PDE1C: variants seen among roughly 807,000 people sequenced by gnomAD.
The protein encoded by PDE1C is phosphodiesterase 1C, also known as dual specificity calcium/calmodulin-dependent 3',5'-cyclic nucleotide phosphodiesterase 1C.
In PDE1C, 62 loss-of-function variants were observed where a neutral mutation model predicts 93.1. The observed-to-expected ratio is 0.67, with a 90% CI of 0.54 to 0.82. PDE1C has a LOEUF of 0.82. Ranked by LOEUF, PDE1C falls within the 40% of genes least tolerant of loss-of-function variation. The pLI, the probability that PDE1C is intolerant of heterozygous loss-of-function variation, is 0.00. For synonymous variants in PDE1C, 325 were observed against 310.1 expected (o/e 1.05, Z -0.50); for missense variants, 742 against 884.6 (o/e 0.84, Z 2.04).
upstream of PDE1C, among the ~76,000 whole-genome samples, chr7:32,072,031 A>C (rs1208055077): frequency 6.6e-6 from 1 of 152,232 alleles, no homozygotes; most frequent in Non-Finnish European, 1.5e-5. Flanking sequence ...CAAAAGCATG[A>C]TAAACTTAGA....
intron 3 of PDE1C, among the ~76,000 whole-genome samples, chr7:32,160,348 A>G (rs1308855545): frequency 6.6e-6 from 1 of 152,252 alleles, no homozygotes; most frequent in Non-Finnish European, 1.5e-5. Flanking sequence ...TAGTTCAACT[A>G]AAAAGGAAAT....
chr7:32,075,372 CA>C (rs1325719770), upstream of PDE1C, among the ~76,000 whole-genome samples: 1 of 152,070 alleles, frequency 6.6e-6, no homozygotes, highest in Non-Finnish European at 1.5e-5. Flanking sequence ...TCAGAAGTAG[CA>C]CCACCAGGCA....
the PDE1C span, chr7:31,656,598 T>G: frequency 2.6e-5 from 12 of 463,816 alleles, no homozygotes; most frequent in Non-Finnish European, 3.1e-5. Flanking sequence ...GAGATGAGGA[T>G]AAATTATCAG....
At chr7:31,697,095 G>T in the PDE1C span, 1 of 1,613,974 alleles carries the variant, frequency 6.2e-7, no homozygotes, top group Middle Eastern at 1.7e-4. Context: ...CACCTGCCCT[G>T]CACATGTCCC....
At chr7:32,398,581 GTT>G (rs1784883660) in intron 1 of PDE1C, among the ~76,000 whole-genome samples, 1 of 151,920 alleles carries the variant, frequency 6.6e-6, no homozygotes, top group Admixed American at 6.6e-5. Flanking sequence ...TAGAGATGGG[GTT>G]TCACCATATT....
the PDE1C span, among the ~76,000 whole-genome samples, chr7:31,617,039 G>A: frequency 1.3e-5 from 2 of 152,070 alleles, no homozygotes; most frequent in Non-Finnish European, 2.9e-5. Flanking sequence ...CTGCTCCTAG[G>A]CACCACAGCA....
the PDE1C span, among the ~76,000 whole-genome samples, chr7:31,688,664 AC>A: frequency 1.2e-4 from 19 of 152,230 alleles, no homozygotes; most frequent in African/African-American, 3.9e-4. Context: ...ATTTGCATTT[AC>A]AAGTATCTCT....
chr7:31,791,408 G>A (rs1784581027), intron 16 of PDE1C, among the ~76,000 whole-genome samples: 1 of 152,120 alleles, frequency 6.6e-6, no homozygotes, highest in Admixed American at 6.6e-5. Flanking sequence ...GTGAGAGAAG[G>A]AGGTGAAACA....
At chr7:32,407,188 T>C (rs1785071368) in intron 1 of PDE1C, among the ~76,000 whole-genome samples, 1 of 151,830 alleles carries the variant, frequency 6.6e-6, no homozygotes, top group Non-Finnish European at 1.5e-5. Context: ...GGCAAGAGAA[T>C]CACTTGAACC....
intron 2 of PDE1C, among the ~76,000 whole-genome samples, chr7:32,189,780 A>T (rs1804109832): frequency 6.6e-6 from 1 of 151,076 alleles, no homozygotes; most frequent in Non-Finnish European, 1.5e-5. Context: ...TTAGGGTAAT[A>T]TACAGATCAC....
intron 1 of PDE1C, among the ~76,000 whole-genome samples, chr7:32,363,759 A>G (rs1312380675): frequency 1.3e-5 from 2 of 152,244 alleles, no homozygotes; most frequent in Non-Finnish European, 2.9e-5. Context: ...TGCTGTTCAC[A>G]CTGGCTGCTA....
intron 2 of PDE1C, among the ~76,000 whole-genome samples, chr7:32,023,329 C>G (rs1339790062): frequency 6.6e-6 from 1 of 152,100 alleles, no homozygotes; most frequent in African/African-American, 2.4e-5. Flanking sequence ...CAACCTTAGC[C>G]ACTGTTACTA....
chr7:32,250,315 C>T (rs972209111), intron 1 of PDE1C, among the ~76,000 whole-genome samples: 2 of 152,158 alleles, frequency 1.3e-5, no homozygotes, highest in Non-Finnish European at 1.5e-5. Context: ...AGCCATTAGG[C>T]AGCAGAGCTC....
chr7:31,821,951 A>G (rs1225095519), intron 14 of PDE1C, among the ~76,000 whole-genome samples: 2 of 151,982 alleles, frequency 1.3e-5, no homozygotes, highest in Non-Finnish European at 2.9e-5. Flanking sequence ...GAGGGTAAAA[A>G]TGTGAGATGT....
At chr7:32,053,830 C>G (rs182225313) in intron 1 of PDE1C, among the ~76,000 whole-genome samples, 29 of 152,154 alleles carry the variant, frequency 1.9e-4, no homozygotes, top group African/African-American at 6.3e-4. Context: ...TGTAGGATCC[C>G]CTCTCTGAAA....
intron 2 of PDE1C, chr7:32,170,074 A>G: frequency 1.2e-6 from 1 of 856,412 alleles, no homozygotes; most frequent in South Asian, 1.7e-5. Context: ...ATTTCTCACC[A>G]TCTCCGCCAA....
intron 2 of PDE1C, among the ~76,000 whole-genome samples, chr7:32,032,031 T>C (rs1790397434): frequency 6.6e-6 from 1 of 152,128 alleles, no homozygotes; most frequent in African/African-American, 2.4e-5. Flanking sequence ...GAGCTTCTGC[T>C]TCACCTGAGG....
At chr7:31,659,970 G>T in the PDE1C span, among the ~76,000 whole-genome samples, 1 of 152,166 alleles carries the variant, frequency 6.6e-6, no homozygotes, top group African/African-American at 2.4e-5. Flanking sequence ...AATCATGGGT[G>T]CAGTTGTCCT....
At chr7:31,958,050 GA>G (rs1262298036) in intron 2 of PDE1C, among the ~76,000 whole-genome samples, 2 of 152,210 alleles carry the variant, frequency 1.3e-5, no homozygotes, top group Non-Finnish European at 1.5e-5. Context: ...GTGATTAAAT[GA>G]AATGCTTCTT....
Sources: gnomAD v4.1 joint callset for allele counts (sites outside exome capture counted in the v4.1 genomes callset) on GRCh38, gnomAD v4.1.1 for gene constraint, MANE v1.5 for transcripts, NCBI Gene and HGNC (gene_info 2026-07-23, HGNC 2026-07-21) for gene names.